Variants in CPNE9 observed in about 807,000 individuals in gnomAD.
CPNE9 encodes the protein copine-9.
Under a neutral mutation model 83.0 loss-of-function variants are expected in CPNE9, and 59 were observed. That is an observed-to-expected ratio of 0.71 (90% CI 0.58 to 0.88). CPNE9 has a LOEUF of 0.88. Ranked by LOEUF, CPNE9 falls within the 40% of genes least tolerant of loss-of-function variation. The pLI is 0.00. For missense variants in CPNE9, 619 were observed against 720.8 expected, an observed-to-expected ratio of 0.86 and a Z score of 1.62; for synonymous variants, 256 against 273.4, an observed-to-expected ratio of 0.94 and a Z score of 0.63.
chr3:9,728,693 C>T (rs1434676178), intron 20 of CPNE9, among the ~76,000 whole-genome samples: 1 of 152,118 alleles, frequency 6.6e-6, no homozygotes, highest in Non-Finnish European at 1.5e-5. Flanking sequence ...TGGATATATA[C>T]ATTTGGCAGT....
At chr3:9,722,676 G>A (rs1309342821) in intron 17 of CPNE9, among the ~76,000 whole-genome samples, 1 of 152,024 alleles carries the variant, frequency 6.6e-6, no homozygotes, top group Non-Finnish European at 1.5e-5. Flanking sequence ...CACCACGCCA[G>A]GCTAATTTTA....
At position 9,717,156 on chromosome 3, in the gene CPNE9, A is replaced by G. The variant is rs749774779; in HGVS notation, c.931+52A>G. ...GGAGGTGGGAAGGCACTTCTAAGGG[A>G]GTCATTAGGAGTTGGCCTGGATTCC... On this transcript the variant is annotated intron_variant, in intron 15 of 20. Transcript: ENST00000383832. 6 of 1,581,738 alleles carry G rather than the reference A, an allele frequency of 3.8e-6. No individual in the cohort carries two copies. In the African/African-American group the frequency reaches 8.1e-5, roughly 21 times the overall value.
chr3:9,704,967 A>C lies in CPNE9; in HGVS notation c.233A>C (p.Glu78Ala), dbSNP rs1282683943. The change falls in exon 4 of 21, where the codon GAG becomes GCG. Residue 78 changes from glutamate to alanine, a missense_variant. Transcript: ENST00000383832. The surrounding 1 kb of genome is among the most constrained non-coding windows in gnomAD (Gnocchi z 7.1). The stretch of plus-strand genomic sequence containing the variant: ...AAATTCGTCCTCGACTATTTCTTTG[A>C]GGAAAAGCAAAATCTGCGCTTCGAT... ...VRKFVLDYFF[E>A]EKQNLRFDVY... 6.2e-7 allele frequency: 1 copy of C among 1,612,846 alleles called. No homozygotes were observed. Among genetic ancestry groups the C allele is most frequent in the Admixed American group, 1.7e-5 (1 of 59,916 alleles).
At chr3:9,717,883 A>C (rs1359067058) in intron 15 of CPNE9, 146 bp from the exon 16 acceptor site, 5 of 649,346 alleles carry the variant, frequency 7.7e-6, no homozygotes, top group Middle Eastern at 6.5e-4. Context: ...TAAATGAACA[A>C]ATGGATGATT....
chr3:9,705,395 G>C, intron 4 of CPNE9, 69 bp from the exon 5 acceptor site: 1 of 1,238,294 alleles, frequency 8.1e-7, no homozygotes, highest in Non-Finnish European at 1.1e-6. Flanking sequence ...ACCAAGACTC[G>C]GTGCCCGACC....
rs746174638 is a variant in CPNE9, at chr3:9,704,104, TG to T, written c.68+41del. 6.2e-5 allele frequency: 97 copies of T among 1,574,182 alleles called. No homozygotes were observed. The highest frequency in any genetic ancestry group is 8.1e-5 in the Non-Finnish European group (94 of 1,157,600). ...CTGGGGAGGGCTTAGGCACTGGCAC[TG>T]CCCCAGCCCCAGCCAGCCGCGGGGC... is the stretch of plus-strand genomic sequence containing the variant. On this transcript the variant is annotated intron_variant, in intron 1 of 20. Coordinates refer to ENST00000383832, the MANE Select transcript of CPNE9 (RefSeq NM_153635.3). This position sits in a 1 kb window ranked among gnomAD's most constrained non-coding sequence, Gnocchi z 7.1.
At position 9,704,735 on chromosome 3, in the gene CPNE9, G is replaced by A; in HGVS notation, c.110-14G>A. On this transcript the variant is annotated splice_polypyrimidine_tract_variant and intron_variant, in intron 2 of 20. Coordinates refer to ENST00000383832, the MANE Select transcript of CPNE9 (RefSeq NM_153635.3). The surrounding 1 kb of genome is among the most constrained non-coding windows in gnomAD (Gnocchi z 7.1). ...GCCGACCTGACGTCCTTCCCTCCCC[G>A]CCCCCACCTGCAGTGGTGGTGCTTT... 6 of 1,612,062 alleles carry A rather than the reference G, an allele frequency of 3.7e-6. No individual in the cohort carries two copies. Among genetic ancestry groups the A allele is most frequent in the Non-Finnish European group, 5.1e-6 (6 of 1,179,496 alleles).
At chr3:9,706,623 A>G (rs1350958211) in intron 7 of CPNE9, among the ~76,000 whole-genome samples, 4 of 152,240 alleles carry the variant, frequency 2.6e-5, no homozygotes, top group African/African-American at 4.8e-5. Context: ...CAAAATAGAC[A>G]TAAGTAAATT....
chr3:9,722,022 G>C lies in CPNE9; in HGVS notation c.1241+3420G>C, dbSNP rs191348817. The stretch of plus-strand genomic sequence containing the variant: ...CAACCTCTGCCCCTGGGTTCAAGCA[G>C]TTCTCCTGCCTCAGCCTCATGAGCA... On this transcript the variant is annotated intron_variant, in intron 17 of 20. Coordinates refer to ENST00000383832, the MANE Select transcript of CPNE9 (RefSeq NM_153635.3). Among the ~76,000 whole-genome samples, 90 of 151,930 alleles carry C rather than the reference G, an allele frequency of 5.9e-4. 2 individuals are homozygous for C. The East Asian group carries it at 0.017, about 29-fold the overall frequency.
intron 20 of CPNE9, among the ~76,000 whole-genome samples, chr3:9,728,122 C>T (rs1441488272): frequency 2.6e-5 from 4 of 152,242 alleles, no homozygotes; most frequent in Non-Finnish European, 4.4e-5. Context: ...ACACTGGGTT[C>T]GAAGTATCTG....
At chr3:9,728,941 C>T in intron 20 of CPNE9, among the ~76,000 whole-genome samples, 1 of 152,098 alleles carries the variant, frequency 6.6e-6, no homozygotes, top group South Asian at 2.1e-4. Flanking sequence ...TTTCCAGTCT[C>T]CCTCCCCACC....
chr3:9,722,819 C>T (rs771710647), intron 17 of CPNE9, among the ~76,000 whole-genome samples: 16 of 152,150 alleles, frequency 1.1e-4, no homozygotes, highest in Non-Finnish European at 1.6e-4. Context: ...CCAGCCTCTC[C>T]GCTGTAGTTC....
At chr3:9,705,093 T>C in intron 4 of CPNE9, 99 bp downstream of exon 4, 1 of 870,088 alleles carries the variant, frequency 1.1e-6, no homozygotes, top group Admixed American at 2.0e-5. Context: ...GGCCTGGTTC[T>C]TCTCGCAGGC....
Position 9,712,822 on chromosome 3 carries a change from A to G in CPNE9, c.539A>G (p.Asp180Gly). The change falls in exon 9 of 21, where the codon GAT (aspartate) becomes GGT (glycine). Residue 180 changes from aspartate (D) to glycine (G), a missense_variant. Asp to Gly is a moderately conservative substitution (Grantham distance 94, BLOSUM62 -1). Transcript: ENST00000383832. The part of the protein sequence containing the change: ...PFLVFYRSNE[D>G]GTFTICHKTE... ...CTTGTGTTCTACAGGAGCAATGAGG[A>G]TGGCACGTGAGTCACTGCCATCAGG... 6.2e-7 allele frequency: 1 copy of G among 1,613,772 alleles called. No homozygotes were observed. The highest frequency in any genetic ancestry group is 1.1e-5 in the South Asian group (1 of 91,060).
intron 16 of CPNE9, 40 bp downstream of exon 16, chr3:9,718,250 T>C: frequency 6.4e-7 from 1 of 1,552,218 alleles, no homozygotes; most frequent in Non-Finnish European, 8.8e-7. Context: ...TGCCCTGGCA[T>C]CTGGTTCACC....
chr3:9,729,526 A>G lies in CPNE9; in HGVS notation c.1496A>G (p.Tyr499Cys), dbSNP rs1489960054. 1 of 1,613,786 alleles carries G rather than the reference A, an allele frequency of 6.2e-7. No individual in the cohort carries two copies. Among genetic ancestry groups the G allele is most frequent in the Non-Finnish European group, 8.5e-7 (1 of 1,179,820 alleles). ...DIVQFVPFRD[Y>C]VDRSGNQVLS... Reference sequence around the variant, plus strand: ...ACCCAGTTCGTCCCATTCCGAGACTATGTTGACCGGTCGGGGAACCAGGTG... The same window carrying G: ...ACCCAGTTCGTCCCATTCCGAGACTGTGTTGACCGGTCGGGGAACCAGGTG... The change falls in exon 21 of 21, where the codon TAT (tyrosine) becomes TGT (cysteine). Residue 499 changes from tyrosine to cysteine, a missense_variant. This residue lies in a region of CPNE9 where 438 missense variants were observed against 562.9 expected (regional missense o/e 0.78). Coordinates refer to ENST00000383832, the MANE Select transcript of CPNE9 (RefSeq NM_153635.3).
intron 13 of CPNE9, 69 bp from the exon 14 acceptor site, chr3:9,715,905 G>T (rs2125468521): frequency 9.1e-7 from 1 of 1,097,596 alleles, no homozygotes; most frequent in Non-Finnish European, 1.2e-6. Context: ...AGCCCCTATG[G>T]GCCTCACTTC....
In CPNE9 at chr3:9,704,336, C is replaced by T; in HGVS notation, c.69-251C>T. ...GCCCCAGGAGGACAAAGTTCTGGGGCGAGCCCTCTTTCCTGGGCCCTTGGA... is the reference window on the plus strand; with the variant it reads ...GCCCCAGGAGGACAAAGTTCTGGGGTGAGCCCTCTTTCCTGGGCCCTTGGA... On this transcript the variant is annotated intron_variant, in intron 1 of 20. Coordinates refer to ENST00000383832, the MANE Select transcript of CPNE9 (RefSeq NM_153635.3). The surrounding 1 kb of genome is among the most constrained non-coding windows in gnomAD (Gnocchi z 7.1). Among the ~76,000 whole-genome samples, 1 of 152,208 alleles carries T rather than the reference C, an allele frequency of 6.6e-6. No individual in the cohort carries two copies. Among genetic ancestry groups the T allele is most frequent in the East Asian group, 1.9e-4 (1 of 5,176 alleles).
chr3:9,715,671 A>G (rs1392278475), intron 13 of CPNE9, 145 bp downstream of exon 13: 4 of 721,850 alleles, frequency 5.5e-6, no homozygotes, highest in Non-Finnish European at 9.2e-6. Context: ...AGCACCACTT[A>G]AGTTTTTCTT....
Sources: allele counts gnomAD v4.1 joint callset (sites outside exome capture counted in the v4.1 genomes callset), GRCh38; gene constraint gnomAD v4.1.1; regional missense constraint gnomAD v4.1.1; non-coding constraint Gnocchi (gnomAD v3.1); transcripts MANE v1.5; gene names NCBI Gene and HGNC (gene_info 2026-07-23, HGNC 2026-07-21).